Variants in CRY1 observed in about 807,000 individuals in gnomAD.
CRY1 encodes the protein cryptochrome circadian regulator 1, also known as cryptochrome-1.
In CRY1, 45 loss-of-function variants were observed where a neutral mutation model predicts 76.0. The observed-to-expected ratio is 0.59, with a 90% CI of 0.47 to 0.76. CRY1 has a LOEUF of 0.76. Ranked by LOEUF, CRY1 falls within the 30% of genes least tolerant of loss-of-function variation. The probability of loss-of-function intolerance (pLI) is 0.00; values close to 1 mark genes in which losing one functional copy is unlikely to be tolerated. For synonymous variants in CRY1, 248 were observed against 244.0 expected (o/e 1.02, Z -0.15); for missense variants, 587 against 716.4 (o/e 0.82, Z 2.06).
In CRY1 at chr12:107,001,319, A is replaced by G; in HGVS notation, c.645T>C (p.Thr215=). The G allele has an allele frequency of 1.2e-6, 2 of 1,613,866 alleles. No individual in the cohort carries two copies. Among genetic ancestry groups the G allele is most frequent in the Non-Finnish European group, 1.7e-6 (2 of 1,179,826 alleles). Residue 215 remains threonine, a synonymous_variant, in exon 5 of 13, where the codon ACT becomes ACC. Transcript: ENST00000008527. ...LSSAVWPGGE[T]EALTRLERHL... ...GCCTTTCCAAACGAGTAAGTGCTTC[A>G]GTTTCTCCACCTGGCCACACTGCAG...
intron 1 of CRY1, among the ~76,000 whole-genome samples, chr12:107,066,839 A>G (rs996022873): frequency 2.6e-5 from 4 of 152,098 alleles, no homozygotes; most frequent in Non-Finnish European, 4.4e-5. Flanking sequence ...TCTGTTGCCC[A>G]GGCTGGAGTA....
At chr12:107,015,209 G>C (rs1952486503) in intron 2 of CRY1, among the ~76,000 whole-genome samples, 1 of 152,050 alleles carries the variant, frequency 6.6e-6, no homozygotes, top group Admixed American at 6.6e-5. Context: ...TCTCTAACGG[G>C]TTCAAACAAA....
rs570678954 is a variant in CRY1 at position 107,050,443 on chromosome 12, G to C, written c.159-28251C>G. On this transcript the variant is annotated intron_variant, in intron 1 of 12. Coordinates refer to ENST00000008527, the MANE Select transcript of CRY1 (RefSeq NM_004075.5). ...TTGGTGCTATCGTCATGATGCGTGAGTTTTCACTCTATTAGTTCATGTAAG... is the reference window on the plus strand; with the variant it reads ...TTGGTGCTATCGTCATGATGCGTGACTTTTCACTCTATTAGTTCATGTAAG... The C allele has an allele frequency of 3.9e-5, 6 of 152,324 alleles. No individual in the cohort carries two copies. In the East Asian group the frequency reaches 1.2e-3, roughly 29 times the overall value. 9.4% of individuals were successfully genotyped at this position (152,324 alleles called of 1,614,324 possible).
rs151250628 is a variant in CRY1 at position 107,008,776 on chromosome 12, T to C, written c.268-3528A>G. 4.8e-4 allele frequency among the ~76,000 whole-genome samples: 73 copies of C among 152,270 alleles called. No homozygotes were observed. The East Asian group carries it at 0.013, about 27-fold the overall frequency. ...GACCCAGTGGGAGGTAACTGAATCA[T>C]GGGGGTGGGTTTCGCCCGTGCTGTT... On this transcript the variant is annotated intron_variant, in intron 2 of 12. Transcript: ENST00000008527.
chr12:107,079,787 C>G (rs990748906), intron 1 of CRY1, among the ~76,000 whole-genome samples: 2 of 152,116 alleles, frequency 1.3e-5, no homozygotes, highest in South Asian at 4.1e-4. Flanking sequence ...TAGAAAGAAG[C>G]AGAGGGCCAG....
At chr12:106,997,153 T>G (rs1039677241) in intron 10 of CRY1, 141 bp downstream of exon 10, 1 of 725,788 alleles carries the variant, frequency 1.4e-6, no homozygotes, top group African/African-American at 1.8e-5. Context: ...TGGGTGCACA[T>G]GTATGCATGC....
chr12:107,064,653 G>A (rs1289466378), intron 1 of CRY1, among the ~76,000 whole-genome samples: 2 of 152,156 alleles, frequency 1.3e-5, no homozygotes, highest in African/African-American at 4.8e-5. Context: ...GAAATGGGCA[G>A]AATCCACACA....
rs73184264 is a variant in CRY1, at chr12:107,065,026, G to T, written c.158+27778C>A. ...TAGGAGTAAAAATGGGCTGGGCATG[G>T]TGGCTCACACCATTTTCCCAGCACT... On this transcript the variant is annotated intron_variant, in intron 1 of 12. Transcript: ENST00000008527. Among the ~76,000 whole-genome samples, 1,477 of 152,290 alleles carry T rather than the reference G, an allele frequency of 9.7e-3. 12 individuals carry two copies. Among genetic ancestry groups the T allele is most frequent in the Non-Finnish European group, 0.016 (1,107 of 68,042 alleles).
At chr12:107,068,999 T>C (rs895860142) in intron 1 of CRY1, among the ~76,000 whole-genome samples, 1 of 152,196 alleles carries the variant, frequency 6.6e-6, no homozygotes, top group African/African-American at 2.4e-5. Flanking sequence ...CACATTTTGG[T>C]GATTGTGAAT....
chr12:107,054,626 C>A (rs1952962624), intron 1 of CRY1, among the ~76,000 whole-genome samples: 1 of 140,366 alleles, frequency 7.1e-6, no homozygotes, highest in Non-Finnish European at 1.5e-5. Context: ...TTACAAGAGA[C>A]ATCTAAAAGA....
At chr12:107,076,506 C>T (rs964956125) in intron 1 of CRY1, among the ~76,000 whole-genome samples, 8 of 150,902 alleles carry the variant, frequency 5.3e-5, no homozygotes, top group African/African-American at 7.3e-5. Flanking sequence ...ACTAGCTACT[C>T]GGGAGGCTGA....
intron 1 of CRY1, among the ~76,000 whole-genome samples, chr12:107,036,490 C>G (rs1027867728): frequency 6.6e-6 from 1 of 152,158 alleles, no homozygotes; most frequent in Non-Finnish European, 1.5e-5. Flanking sequence ...TTACTGCCAT[C>G]CAGTCCAGTC....
At chr12:107,054,222 A>T (rs1952956120) in intron 1 of CRY1, among the ~76,000 whole-genome samples, 1 of 152,182 alleles carries the variant, frequency 6.6e-6, no homozygotes. Context: ...GAAGAAAGGT[A>T]ATTAGAGTTT....
chr12:107,071,966 G>A (rs903405755), intron 1 of CRY1, among the ~76,000 whole-genome samples: 3 of 152,106 alleles, frequency 2.0e-5, no homozygotes, highest in Non-Finnish European at 2.9e-5. Context: ...TTGTTTCACT[G>A]CAATGAACAG....
intron 2 of CRY1, 30 bp from the exon 3 acceptor site, chr12:107,005,278 A>C: frequency 6.4e-7 from 1 of 1,564,396 alleles, no homozygotes; most frequent in Non-Finnish European, 8.7e-7. Flanking sequence ...AACAATGTAC[A>C]CCAATTGTAA....
intron 1 of CRY1, among the ~76,000 whole-genome samples, chr12:107,077,136 C>T (rs919651261): frequency 1.1e-4 from 16 of 151,812 alleles, no homozygotes; most frequent in African/African-American, 3.9e-4. Flanking sequence ...TATCTCACAC[C>T]CAGCACTCCC....
intron 1 of CRY1, among the ~76,000 whole-genome samples, chr12:107,030,248 C>G (rs1342911238): frequency 6.6e-6 from 1 of 152,160 alleles, no homozygotes. Flanking sequence ...GTGCTGGATA[C>G]TTTACATATA....
chr12:107,023,951 A>C (rs779427706), intron 1 of CRY1, among the ~76,000 whole-genome samples: 8 of 152,244 alleles, frequency 5.3e-5, no homozygotes, highest in African/African-American at 9.6e-5. Flanking sequence ...CTGGTGACAA[A>C]TGTTTATTGG....
intron 1 of CRY1, among the ~76,000 whole-genome samples, chr12:107,049,185 T>C (rs1952886785): frequency 6.6e-6 from 1 of 152,180 alleles, no homozygotes; most frequent in Admixed American, 6.5e-5. Context: ...CTCTTCCTTG[T>C]TAGTCTCTGA....
Sources: allele counts gnomAD v4.1 joint callset (sites outside exome capture counted in the v4.1 genomes callset), GRCh38; gene constraint gnomAD v4.1.1; transcripts MANE v1.5; gene names NCBI Gene and HGNC (gene_info 2026-07-23, HGNC 2026-07-21).